The following CUX2 variants were observed in gnomAD, a reference collection of about 807,000 sequenced individuals.
CUX2 encodes the protein cut like homeobox 2, also known as homeobox protein cut-like 2.
CUX2 carries 40 observed loss-of-function variants against 144.8 expected under a neutral mutation model. The observed-to-expected ratio is 0.28, with a 90% confidence interval of 0.21 to 0.36. The LOEUF (loss-of-function observed/expected upper bound fraction) is 0.36. Ranked by LOEUF, CUX2 falls within the 10% of genes least tolerant of loss-of-function variation. CUX2 has a pLI of 1.00. For missense variants in CUX2, 1,615 were observed against 1,994.0 expected (o/e 0.81, Z 3.62); for synonymous variants, 827 against 875.6 (o/e 0.94, Z 0.98).
At chr12:111,337,040 T>C (rs1888383518) in intron 19 of CUX2, among the ~76,000 whole-genome samples, 2 of 151,902 alleles carry the variant, frequency 1.3e-5, no homozygotes, top group Admixed American at 1.3e-4. Flanking sequence ...CTGGGCATGG[T>C]AGTGTGTGCC....
intron 4 of CUX2, among the ~76,000 whole-genome samples, chr12:111,272,380 G>A (rs1037175893): frequency 6.6e-6 from 1 of 152,180 alleles, no homozygotes; most frequent in African/African-American, 2.4e-5. Flanking sequence ...AACACTGAAG[G>A]TTAGCATAAA....
At chr12:111,150,470 G>T (rs1876965798) in intron 1 of CUX2, among the ~76,000 whole-genome samples, 1 of 152,148 alleles carries the variant, frequency 6.6e-6, no homozygotes, top group Non-Finnish European at 1.5e-5. Flanking sequence ...GGTAACACGG[G>T]GCTCCGGGAG....
chr12:111,065,910 A>T (rs1371328908), intron 1 of CUX2, among the ~76,000 whole-genome samples: 2 of 152,212 alleles, frequency 1.3e-5, no homozygotes, highest in African/African-American at 4.8e-5. Flanking sequence ...ATCCATACTC[A>T]AGTCTGAGAA....
intron 1 of CUX2, among the ~76,000 whole-genome samples, chr12:111,051,664 T>C (rs1025652244): frequency 6.6e-6 from 1 of 152,214 alleles, no homozygotes; most frequent in Non-Finnish European, 1.5e-5. Context: ...TATAGTTGGA[T>C]CATGTTTTTT....
intron 1 of CUX2, among the ~76,000 whole-genome samples, chr12:111,065,248 A>G (rs1870969590): frequency 6.6e-6 from 1 of 152,252 alleles, no homozygotes. Context: ...AGCAGTGATA[A>G]ACAAGAAATA....
chr12:111,179,544 A>G (rs1210572426), intron 1 of CUX2, among the ~76,000 whole-genome samples: 1 of 152,136 alleles, frequency 6.6e-6, no homozygotes, highest in African/African-American at 2.4e-5. Context: ...AATGGGTTAG[A>G]ATGGTGCGTG....
intron 3 of CUX2, among the ~76,000 whole-genome samples, chr12:111,249,143 G>T (rs915270654): frequency 1.3e-5 from 2 of 152,176 alleles, no homozygotes; most frequent in African/African-American, 4.8e-5. Context: ...ATGGGGAGGG[G>T]CAGGCTTTGG....
intron 1 of CUX2, among the ~76,000 whole-genome samples, chr12:111,194,946 C>T (rs1880147736): frequency 1.3e-5 from 2 of 152,178 alleles, no homozygotes; most frequent in Admixed American, 1.3e-4. Context: ...GAAGAAAGTC[C>T]TGCTGCCTGT....
chr12:111,169,676 G>T (rs1421431675), intron 1 of CUX2, among the ~76,000 whole-genome samples: 3 of 152,172 alleles, frequency 2.0e-5, no homozygotes, highest in Non-Finnish European at 2.9e-5. Context: ...TTCGCGTCAC[G>T]TTAATATGTG....
intron 1 of CUX2, among the ~76,000 whole-genome samples, chr12:111,147,466 T>A (rs2136131330): frequency 6.6e-6 from 1 of 152,300 alleles, no homozygotes; most frequent in African/African-American, 2.4e-5. Flanking sequence ...TTTTCCCTAG[T>A]CCCTGCCCAA....
chr12:111,130,069 TC>T (rs1875366225), intron 1 of CUX2, among the ~76,000 whole-genome samples: 2 of 152,186 alleles, frequency 1.3e-5, no homozygotes, highest in African/African-American at 2.4e-5. Context: ...TACTTCCTTT[TC>T]CTCAGTGCAC....
At chr12:111,258,724 T>C (rs2339717) in intron 3 of CUX2, among the ~76,000 whole-genome samples, 67,463 of 151,750 alleles carry the variant, frequency 0.44, 19,822 homozygotes, top group African/African-American at 0.83. Context: ...CTCATTCTAT[T>C]GCTCAGGCTG....
Position 111,214,187 on chromosome 12 carries a change from T to C in CUX2, c.64-13T>C. The C allele has an allele frequency of 7.0e-7, 1 of 1,426,644 alleles. No homozygotes were observed. The highest frequency in any genetic ancestry group is 9.5e-7 in the Non-Finnish European group (1 of 1,056,132). The allele number at this position is 1,426,644 out of a possible 1,614,324, so 88.4% of individuals were successfully genotyped here. A position where few individuals can be genotyped will look rare whatever the true frequency, so the allele number is the denominator to read the frequency against. On this transcript the variant is annotated splice_polypyrimidine_tract_variant and intron_variant, in intron 1 of 21. Coordinates refer to ENST00000261726, the MANE Select transcript of CUX2 (RefSeq NM_015267.4). ...TCTCTCTCTCTCTTTTTTTTTTTTT[T>C]TTATTGTTCCAGAAGGAGCTTAATT...
At chr12:111,156,224 C>T (rs538780964) in intron 1 of CUX2, among the ~76,000 whole-genome samples, 20 of 152,286 alleles carry the variant, frequency 1.3e-4, no homozygotes, top group African/African-American at 4.3e-4. Context: ...CCTTTCCCTC[C>T]TGCCCTCATC....
intron 1 of CUX2, among the ~76,000 whole-genome samples, chr12:111,194,605 G>A (rs1375057193): frequency 1.3e-5 from 2 of 152,168 alleles, no homozygotes; most frequent in Non-Finnish European, 2.9e-5. Flanking sequence ...CAGGGACGCT[G>A]GTCTTTCCTT....
At chr12:111,133,731 GA>G (rs1875661689) in intron 1 of CUX2, among the ~76,000 whole-genome samples, 1 of 152,142 alleles carries the variant, frequency 6.6e-6, no homozygotes, top group Non-Finnish European at 1.5e-5. Flanking sequence ...GGGTCTTTAG[GA>G]GACTTAGGAT....
intron 1 of CUX2, among the ~76,000 whole-genome samples, chr12:111,113,323 A>G (rs1019146277): frequency 1.3e-5 from 2 of 151,950 alleles, no homozygotes; most frequent in African/African-American, 4.8e-5. Flanking sequence ...TCATACTGTA[A>G]TTTTTTTGTT....
chr12:111,127,608 G>A lies in CUX2; in HGVS notation c.64-86592G>A, dbSNP rs746755026. On this transcript the variant is annotated intron_variant, in intron 1 of 21. Coordinates refer to ENST00000261726, the MANE Select transcript of CUX2 (RefSeq NM_015267.4). ...CCTAGTAGAAACAGTCTTTTCTCTG[G>A]AACTAAGACCTCTAGACCAGCAAAG... 6.0e-4 allele frequency among the ~76,000 whole-genome samples: 91 copies of A among 152,264 alleles called. 1 individual carries two copies. Among genetic ancestry groups the A allele is most frequent in the Non-Finnish European group, 1.1e-3 (77 of 68,020 alleles).
chr12:111,328,079 G>A (rs75405143), intron 18 of CUX2, among the ~76,000 whole-genome samples: 232 of 152,192 alleles, frequency 1.5e-3, no homozygotes, highest in Non-Finnish European at 2.9e-3. Flanking sequence ...TAATAATGAT[G>A]AGGGAATCAG....
Sources: gnomAD v4.1 joint callset for allele counts (sites outside exome capture counted in the v4.1 genomes callset) on GRCh38, gnomAD v4.1.1 for gene constraint, MANE v1.5 for transcripts, NCBI Gene and HGNC (gene_info 2026-07-23, HGNC 2026-07-21) for gene names.